The following GLIS3 variants were observed in gnomAD, a reference collection of about 807,000 sequenced individuals.
The protein encoded by GLIS3 is zinc finger protein GLIS3.
A neutral mutation model predicts 78.6 loss-of-function variants in GLIS3; 53 were observed. That is an observed-to-expected ratio of 0.67 (90% CI 0.54 to 0.85). The LOEUF is 0.85. GLIS3 is among the 40% of genes least tolerant of loss of function. The pLI is 0.00. For missense variants in GLIS3, 1,703 were observed against 1,231.1 expected (o/e 1.38, Z -5.74); for synonymous variants, 684 against 509.9 (o/e 1.34, Z -4.60).
intron 7 of GLIS3, among the ~76,000 whole-genome samples, chr9:3,896,648 AGAGT>A (rs1822853272): frequency 1.1e-5 from 1 of 87,472 alleles, no homozygotes; most frequent in South Asian, 4.1e-4. Flanking sequence ...CCTGGTTGAC[AGAGT>A]GAGACTCCCA....
chr9:4,188,173 C>G (rs1339594993), intron 2 of GLIS3, among the ~76,000 whole-genome samples: 2 of 151,370 alleles, frequency 1.3e-5, no homozygotes, highest in African/African-American at 2.4e-5. Context: ...TACATCCCAT[C>G]AATACCTAAT....
At chr9:4,199,578 A>G (rs57115549) in intron 2 of GLIS3, among the ~76,000 whole-genome samples, 18,242 of 151,320 alleles carry the variant, frequency 0.12, 1,324 homozygotes, top group African/African-American at 0.2. Flanking sequence ...TAAAAAAAAA[A>G]GTGGGGCTCA....
the GLIS3 span, among the ~76,000 whole-genome samples, chr9:4,413,179 G>C: frequency 0.32 from 48,406 of 152,046 alleles, 7,873 homozygotes; most frequent in Admixed American, 0.38. Context: ...AGTTCTGGAT[G>C]TGATACCCAC....
intron 4 of GLIS3, among the ~76,000 whole-genome samples, chr9:3,949,471 GA>G: frequency 6.6e-6 from 1 of 152,274 alleles, no homozygotes; most frequent in East Asian, 1.9e-4. Flanking sequence ...AATTCTAGAA[GA>G]ACCTACAAGA....
intron 7 of GLIS3, among the ~76,000 whole-genome samples, chr9:3,895,312 G>C (rs982489247): frequency 6.6e-6 from 1 of 152,186 alleles, no homozygotes; most frequent in Admixed American, 6.5e-5. Context: ...TTATTATATG[G>C]AACACAGAAC....
chr9:3,986,958 A>T (rs530376022), intron 4 of GLIS3, among the ~76,000 whole-genome samples: 1 of 152,300 alleles, frequency 6.6e-6, no homozygotes, highest in East Asian at 1.9e-4. Flanking sequence ...CAACTTGAGT[A>T]AAAAAAGACA....
chr9:3,927,381 T>C (rs1423434708), intron 6 of GLIS3, among the ~76,000 whole-genome samples: 1 of 152,236 alleles, frequency 6.6e-6, no homozygotes, highest in African/African-American at 2.4e-5. Context: ...GGAATACTGG[T>C]ATATCCAAGG....
chr9:4,370,770 T>G, the GLIS3 span, among the ~76,000 whole-genome samples: 1 of 151,944 alleles, frequency 6.6e-6, no homozygotes, highest in Admixed American at 6.5e-5. Context: ...AATTAAAGTA[T>G]GAAGTTCACC....
chr9:3,893,740 G>A (rs573815223), intron 7 of GLIS3, among the ~76,000 whole-genome samples: 9 of 152,286 alleles, frequency 5.9e-5, no homozygotes, highest in African/African-American at 1.9e-4. Context: ...GTGTCACCTG[G>A]GAACTTGTTA....
chr9:4,127,475 T>C (rs1289329947), intron 2 of GLIS3, among the ~76,000 whole-genome samples: 1 of 152,232 alleles, frequency 6.6e-6, no homozygotes, highest in Non-Finnish European at 1.5e-5. Flanking sequence ...AGATCAGTTA[T>C]AGATATTCTG....
At chr9:3,859,089 A>T (rs1366169893) in intron 8 of GLIS3, among the ~76,000 whole-genome samples, 1 of 152,132 alleles carries the variant, frequency 6.6e-6, no homozygotes, top group Non-Finnish European at 1.5e-5. Context: ...GTTTGAGGTA[A>T]GGTCCCTGGG....
At chr9:4,297,865 A>T (rs1239986294) in intron 1 of GLIS3, among the ~76,000 whole-genome samples, 1 of 152,078 alleles carries the variant, frequency 6.6e-6, no homozygotes, top group East Asian at 1.9e-4. Context: ...ACAAGGCAGG[A>T]GGAGGGCGGC....
At chr9:3,842,983 A>T (rs1818814477) in intron 9 of GLIS3, among the ~76,000 whole-genome samples, 1 of 152,118 alleles carries the variant, frequency 6.6e-6, no homozygotes, top group South Asian at 2.1e-4. Flanking sequence ...AGGGCCTTGA[A>T]TTACACTCTC....
At chr9:3,916,522 G>C (rs1375332034) in intron 6 of GLIS3, among the ~76,000 whole-genome samples, 1 of 152,196 alleles carries the variant, frequency 6.6e-6, no homozygotes, top group Non-Finnish European at 1.5e-5. Context: ...ACAACAAATT[G>C]TGTGATTAAA....
chr9:4,401,644 T>G, the GLIS3 span, among the ~76,000 whole-genome samples: 10 of 150,772 alleles, frequency 6.6e-5, no homozygotes, highest in African/African-American at 2.4e-4. Flanking sequence ...CTCAGCTCAC[T>G]GCAACCTCTG....
chr9:4,288,751 A>AC (rs5896060), intron 1 of GLIS3, among the ~76,000 whole-genome samples: 138,788 of 152,112 alleles, frequency 0.91, 64,149 homozygotes, highest in Non-Finnish European at 0.98. Context: ...AAAAACAACA[A>AC]AAAGTATACT....
chr9:4,328,739 C>A (rs563716970), intron 2 of GLIS3, among the ~76,000 whole-genome samples: 1 of 150,028 alleles, frequency 6.7e-6, no homozygotes, highest in Non-Finnish European at 1.5e-5. Context: ...TTTTTCCCTG[C>A]GTAAAACAGG....
chr9:4,343,594 C>T (rs552064884), intron 2 of GLIS3, among the ~76,000 whole-genome samples: 119 of 152,272 alleles, frequency 7.8e-4, no homozygotes, highest in African/African-American at 2.6e-3. Flanking sequence ...AATCATTCTA[C>T]CATAAAGACA....
chr9:3,864,508 A>G (rs990041770), intron 8 of GLIS3, among the ~76,000 whole-genome samples: 1 of 152,196 alleles, frequency 6.6e-6, no homozygotes, highest in African/African-American at 2.4e-5. Context: ...TTGAGAACCA[A>G]CTTTAAACGC....
Sources: allele counts gnomAD v4.1 joint callset (sites outside exome capture counted in the v4.1 genomes callset), GRCh38; gene constraint gnomAD v4.1.1; transcripts MANE v1.5; gene names NCBI Gene and HGNC (gene_info 2026-07-23, HGNC 2026-07-21).